The following DOCK3 variants were observed in gnomAD, a reference collection of about 807,000 sequenced individuals.
DOCK3 encodes the protein dedicator of cytokinesis 3.
Under a neutral mutation model 265.6 loss-of-function variants are expected in DOCK3, and 60 were observed. That is an observed-to-expected ratio of 0.23 (90% CI 0.18 to 0.28). DOCK3 has a LOEUF of 0.28. Among genes scored for constraint, DOCK3 ranks in the 10% least tolerant of loss-of-function variants. The pLI, the probability that DOCK3 is intolerant of heterozygous loss-of-function variation, is 1.00. For missense variants in DOCK3, 1,981 were observed against 2,594.3 expected (o/e 0.76, Z 5.14); for synonymous variants, 881 against 938.0 (o/e 0.94, Z 1.11).
intron 4 of DOCK3, among the ~76,000 whole-genome samples, chr3:50,921,513 G>T (rs1188786288): frequency 1.3e-5 from 2 of 152,208 alleles, no homozygotes; most frequent in Admixed American, 1.3e-4. Context: ...TTAGCTCGAA[G>T]AAGTTTGTTA....
chr3:51,096,192 T>A (rs995371818), intron 9 of DOCK3, among the ~76,000 whole-genome samples: 2 of 152,214 alleles, frequency 1.3e-5, no homozygotes, highest in African/African-American at 2.4e-5. Flanking sequence ...TCTTACTAGG[T>A]TGGGGAAGTT....
rs1228995188 is a variant in DOCK3 at position 51,334,948 on chromosome 3, T to G, written c.3611+1695T>G. Among the ~76,000 whole-genome samples the G allele has an allele frequency of 2.0e-5, 3 of 152,278 alleles. No homozygotes were observed. The East Asian group carries it at 5.8e-4, about 29-fold the overall frequency. On this transcript the variant is annotated intron_variant, in intron 35 of 52. Transcript: ENST00000266037. ...TACAAAAAGGCCAAAGTCTTTAATA[T>G]GGCATCACTGGCCTTTACTCACTTC...
chr3:51,166,343 G>A (rs1282386818), intron 12 of DOCK3, among the ~76,000 whole-genome samples: 2 of 152,110 alleles, frequency 1.3e-5, no homozygotes, highest in South Asian at 4.1e-4. Context: ...GAGTCACCAT[G>A]CCTGGCCTAT....
chr3:50,922,535 G>C (rs1162403753), intron 4 of DOCK3, among the ~76,000 whole-genome samples: 3 of 152,078 alleles, frequency 2.0e-5, no homozygotes, highest in Admixed American at 6.5e-5. Flanking sequence ...TGCTTCGTGG[G>C]CTGCACCCAC....
intron 1 of DOCK3, among the ~76,000 whole-genome samples, chr3:50,686,223 C>A (rs973256524): frequency 6.6e-6 from 1 of 151,922 alleles, no homozygotes; most frequent in Non-Finnish European, 1.5e-5. Context: ...TTGCTTATGT[C>A]CAGTCAATGC....
chr3:51,013,982 T>C (rs2079052251), intron 5 of DOCK3, among the ~76,000 whole-genome samples: 4 of 152,210 alleles, frequency 2.6e-5, no homozygotes. Flanking sequence ...ATGCGCAGGA[T>C]ATAATCTCCT....
chr3:50,996,816 A>T (rs1273432763), intron 5 of DOCK3, among the ~76,000 whole-genome samples: 1 of 152,242 alleles, frequency 6.6e-6, no homozygotes, highest in Non-Finnish European at 1.5e-5. Context: ...TTCAGTGGTC[A>T]GCCTTCCAGT....
At chr3:50,981,400 A>G (rs2077684290) in intron 5 of DOCK3, among the ~76,000 whole-genome samples, 2 of 152,206 alleles carry the variant, frequency 1.3e-5, no homozygotes, top group South Asian at 4.1e-4. Context: ...AGAATGTTAT[A>G]TGTACTGATG....
At position 50,969,193 on chromosome 3, in the gene DOCK3, T is replaced by C. The variant is rs2077121034; in HGVS notation, c.315+35116T>C. ...CATGTATATTTAGGATTGTTATAAC[T>C]TCTTGTTGAATTGTTCTCTTTATCC... is the stretch of plus-strand genomic sequence containing the variant. On this transcript the variant is annotated intron_variant, in intron 5 of 52. Transcript: ENST00000266037. Among the ~76,000 whole-genome samples, 5 of 152,356 alleles carry C rather than the reference T, an allele frequency of 3.3e-5. No homozygotes were observed. The South Asian group carries it at 1.0e-3, about 32-fold the overall frequency.
rs143026137 is a variant in DOCK3 at position 51,099,964 on chromosome 3, A to G, written c.746+9580A>G. 7.7e-3 allele frequency among the ~76,000 whole-genome samples: 1,174 copies of G among 152,290 alleles called. 12 individuals carry two copies. Among genetic ancestry groups the G allele is most frequent in the African/African-American group, 0.027 (1,111 of 41,550 alleles). ...ATCCTTTGATCTCTAAATGATTTCT[A>G]AATTAATGAGGTGGAGCCAAGGGAT... is the stretch of plus-strand genomic sequence containing the variant. On this transcript the variant is annotated intron_variant, in intron 9 of 52. Coordinates refer to ENST00000266037, the MANE Select transcript of DOCK3 (RefSeq NM_004947.5).
intron 40 of DOCK3, among the ~76,000 whole-genome samples, chr3:51,354,082 A>T (rs551297586): frequency 6.6e-6 from 1 of 152,316 alleles, no homozygotes; most frequent in East Asian, 1.9e-4. Flanking sequence ...TTCTGCTGAC[A>T]TGTTTGCAAA....
rs182738946 is a variant in DOCK3 at position 51,040,472 on chromosome 3, T to A, written c.316-23976T>A. ...AATTATCATCTGATCCTTCAGCCAG[T>A]CATGATCTTTTCTCTAGTGGAGGGT... On this transcript the variant is annotated intron_variant, in intron 5 of 52. Transcript: ENST00000266037. Among the ~76,000 whole-genome samples the A allele has an allele frequency of 2.2e-3, 338 of 152,324 alleles. 1 individual carries two copies. Among genetic ancestry groups the A allele is most frequent in the Non-Finnish European group, 4.0e-3 (273 of 68,016 alleles).
chr3:51,230,648 C>T (rs529906401), intron 19 of DOCK3, among the ~76,000 whole-genome samples: 1 of 152,198 alleles, frequency 6.6e-6, no homozygotes, highest in Admixed American at 6.5e-5. Context: ...TCCAGAGTAG[C>T]TAGGACTACA....
In DOCK3 at chr3:51,075,371, C is replaced by A. The variant is rs1489837243; in HGVS notation, c.480C>A (p.Asp160Glu). ...TCTTTACTAGACATTTGGGCCTGGACCTGGTGCCTCGGAAGGACTTTGAAG... is the reference window on the plus strand; with the variant it reads ...TCTTTACTAGACATTTGGGCCTGGAACTGGTGCCTCGGAAGGACTTTGAAG... ...LDWGNEHLGL[D>E]LVPRKDFEVV... Residue 160 changes from aspartate (D) to glutamate (E), a missense_variant, in exon 7 of 53, where the codon GAC (aspartate) becomes GAA (glutamate). Asp to Glu is a conservative substitution (Grantham distance 45). Around this residue, in one of 4 missense-constraint regions of DOCK3, gnomAD observed 456 missense variants for 539.0 expected, o/e 0.85. Transcript: ENST00000266037. 1.2e-6 allele frequency: 2 copies of A among 1,610,684 alleles called. No individual in the cohort carries two copies. The highest frequency in any genetic ancestry group is 2.7e-5 in the African/African-American group (2 of 74,850).
At chr3:50,723,646 G>T (rs2037619122) in intron 1 of DOCK3, among the ~76,000 whole-genome samples, 1 of 152,194 alleles carries the variant, frequency 6.6e-6, no homozygotes, top group South Asian at 2.1e-4. Context: ...CTAGCCATAT[G>T]CAGAAAGCTG....
intron 1 of DOCK3, among the ~76,000 whole-genome samples, chr3:50,755,228 A>G (rs915729910): frequency 1.2e-4 from 18 of 152,246 alleles, no homozygotes; most frequent in Non-Finnish European, 2.4e-4. Flanking sequence ...GAGCGAATGA[A>G]GTTCATTATT....
chr3:50,905,719 T>A (rs1194896876), intron 4 of DOCK3, among the ~76,000 whole-genome samples: 1 of 152,114 alleles, frequency 6.6e-6, no homozygotes, highest in African/African-American at 2.4e-5. Flanking sequence ...CAGGGACAAT[T>A]TGACTTCCTC....
chr3:50,685,397 C>T (rs1311954169), intron 1 of DOCK3, among the ~76,000 whole-genome samples: 1 of 152,170 alleles, frequency 6.6e-6, no homozygotes, highest in Non-Finnish European at 1.5e-5. Context: ...AGTAAAAGGT[C>T]CCCTACTACC....
At chr3:50,846,958 G>A (rs2046115038) in intron 3 of DOCK3, among the ~76,000 whole-genome samples, 1 of 151,972 alleles carries the variant, frequency 6.6e-6, no homozygotes, top group African/African-American at 2.4e-5. Context: ...GATTCTTTGT[G>A]TGGATTTTGG....
Sources: gnomAD v4.1 joint callset for allele counts (sites outside exome capture counted in the v4.1 genomes callset) on GRCh38, gnomAD v4.1.1 for gene constraint, gnomAD v4.1.1 regional missense constraint, MANE v1.5 for transcripts, NCBI Gene and HGNC (gene_info 2026-07-23, HGNC 2026-07-21) for gene names.